Variants in MGAT4C observed in about 807,000 individuals in gnomAD.
MGAT4C encodes MGAT4 family member C.
MGAT4C carries 19 observed loss-of-function variants against 40.1 expected under a neutral mutation model. The observed-to-expected ratio is 0.47, with a 90% CI of 0.33 to 0.70. The LOEUF (loss-of-function observed/expected upper bound fraction) is 0.70. MGAT4C is among the 30% of genes least tolerant of loss of function. The pLI is 0.02. For missense variants in MGAT4C, 491 were observed against 563.2 expected, an observed-to-expected ratio of 0.87 and a Z score of 1.30; for synonymous variants, 181 against 187.1, an observed-to-expected ratio of 0.97 and a Z score of 0.27.
intron 2 of MGAT4C, among the ~76,000 whole-genome samples, chr12:86,696,329 T>C (rs1420129510): frequency 2.0e-5 from 3 of 152,096 alleles, no homozygotes; most frequent in African/African-American, 7.2e-5. Context: ...TATCAAAATA[T>C]CTCATGAACA....
chr12:86,333,503 A>T (rs1377114742), intron 4 of MGAT4C, among the ~76,000 whole-genome samples: 2 of 152,184 alleles, frequency 1.3e-5, no homozygotes, highest in African/African-American at 4.8e-5. Context: ...AGGCTATCAA[A>T]GACAACTTAT....
At chr12:86,274,445 G>T (rs1953020817) in intron 4 of MGAT4C, among the ~76,000 whole-genome samples, 3 of 152,012 alleles carry the variant, frequency 2.0e-5, no homozygotes, top group Non-Finnish European at 4.4e-5. Flanking sequence ...CTGCCATTGT[G>T]CTAGAGATTA....
chr12:86,273,096 A>G (rs1247552620), intron 4 of MGAT4C, among the ~76,000 whole-genome samples: 1 of 151,730 alleles, frequency 6.6e-6, no homozygotes, highest in Non-Finnish European at 1.5e-5. Flanking sequence ...ATAGCATGTT[A>G]GCAAGCAGGA....
At chr12:86,195,251 G>C (rs1367954980) in intron 1 of MGAT4C, among the ~76,000 whole-genome samples, 1 of 152,136 alleles carries the variant, frequency 6.6e-6, no homozygotes, top group Admixed American at 6.5e-5. Flanking sequence ...GGTTTCTCAA[G>C]GGCTGGTTGC....
chr12:86,287,726 C>G (rs147484551), intron 4 of MGAT4C, among the ~76,000 whole-genome samples: 4 of 152,292 alleles, frequency 2.6e-5, no homozygotes, highest in African/African-American at 9.6e-5. Context: ...AACTGTGCCA[C>G]ATATTCTTTA....
chr12:86,061,858 A>G (rs912472650), intron 1 of MGAT4C, among the ~76,000 whole-genome samples: 1 of 152,096 alleles, frequency 6.6e-6, no homozygotes, highest in Admixed American at 6.6e-5. Context: ...CTCTGAAAAA[A>G]AGGCAGCAGC....
chr12:86,054,731 A>G (rs1893224442), intron 1 of MGAT4C, among the ~76,000 whole-genome samples: 1 of 151,950 alleles, frequency 6.6e-6, no homozygotes, highest in Admixed American at 6.6e-5. Flanking sequence ...AAAACAAAAT[A>G]AAACAATGAC....
intron 1 of MGAT4C, among the ~76,000 whole-genome samples, chr12:86,117,867 C>T (rs1878697492): frequency 6.6e-6 from 1 of 152,130 alleles, no homozygotes; most frequent in African/African-American, 2.4e-5. Context: ...GGCAGTCAAA[C>T]TGCCTTGAAA....
rs529852784 is a variant in MGAT4C at position 86,570,012 on chromosome 12, CA to C, written c.-228-134748del. Among the ~76,000 whole-genome samples the C allele has an allele frequency of 2.0e-5, 3 of 152,080 alleles. No individual in the cohort carries two copies. In the South Asian group the frequency reaches 6.2e-4, roughly 32 times the overall value. On this transcript the variant is annotated intron_variant, in intron 2 of 7. Coordinates refer to the MGAT4C transcript ENST00000548651. ...TCTAAAAAAGTTGAACTCATTGTAG[CA>C]GAGAGTATGATGGTGATTATTAGAA... is the stretch of plus-strand genomic sequence containing the variant.
chr12:86,082,396 AAGGTAAAG>A (rs1253771981), intron 1 of MGAT4C, among the ~76,000 whole-genome samples: 1 of 152,180 alleles, frequency 6.6e-6, no homozygotes, highest in Admixed American at 6.6e-5. Context: ...AATTGGAAAT[AAGGTAAAG>A]GTTTATACTG....
chr12:86,623,393 A>T (rs1312196047), intron 2 of MGAT4C, among the ~76,000 whole-genome samples: 2 of 152,204 alleles, frequency 1.3e-5, no homozygotes, highest in South Asian at 4.1e-4. Context: ...CAACAGGTCC[A>T]TCTGACTTAA....
intron 1 of MGAT4C, among the ~76,000 whole-genome samples, chr12:86,079,746 T>A (rs917853799): frequency 6.6e-6 from 1 of 151,464 alleles, no homozygotes; most frequent in Admixed American, 6.6e-5. Flanking sequence ...TTTGTATAAG[T>A]GTGTAAAAAT....
intron 2 of MGAT4C, among the ~76,000 whole-genome samples, chr12:86,447,248 C>G (rs1162038457): frequency 6.6e-6 from 1 of 152,190 alleles, no homozygotes; most frequent in Non-Finnish European, 1.5e-5. Context: ...GCCTCAGCCT[C>G]CCGAGTAGCT....
chr12:86,664,713 T>TA (rs1486075171), intron 2 of MGAT4C, among the ~76,000 whole-genome samples: 3 of 152,124 alleles, frequency 2.0e-5, no homozygotes, highest in East Asian at 1.9e-4. Flanking sequence ...TAAAGAAGAT[T>TA]AAAAAATCTT....
chr12:86,749,634 A>G (rs1426922834), intron 1 of MGAT4C, among the ~76,000 whole-genome samples: 1 of 151,790 alleles, frequency 6.6e-6, no homozygotes, highest in Non-Finnish European at 1.5e-5. Flanking sequence ...TCTGGCTTTT[A>G]TGTTAAACAA....
At chr12:86,291,614 A>C in intron 4 of MGAT4C, among the ~76,000 whole-genome samples, 1 of 152,178 alleles carries the variant, frequency 6.6e-6, no homozygotes, top group East Asian at 1.9e-4. Flanking sequence ...ATATTAGTGT[A>C]TCTGTATCTG....
At chr12:86,271,234 TGA>T in intron 4 of MGAT4C, among the ~76,000 whole-genome samples, 1 of 152,234 alleles carries the variant, frequency 6.6e-6, no homozygotes, top group Admixed American at 6.5e-5. Context: ...ACCTGTTGAA[TGA>T]GAGAAAATAT....
At chr12:86,369,361 C>T (rs1955673795) in intron 3 of MGAT4C, among the ~76,000 whole-genome samples, 1 of 151,896 alleles carries the variant, frequency 6.6e-6, no homozygotes, top group South Asian at 2.1e-4. Flanking sequence ...TAAGAACTTA[C>T]TATTGCCATT....
At chr12:86,524,083 C>T (rs1054154550) in intron 2 of MGAT4C, among the ~76,000 whole-genome samples, 4 of 152,080 alleles carry the variant, frequency 2.6e-5, no homozygotes, top group African/African-American at 9.7e-5. Context: ...AGCTAGCTCA[C>T]TTACATTCCA....
Sources: gnomAD v4.1 joint callset for allele counts (sites outside exome capture counted in the v4.1 genomes callset) on GRCh38, gnomAD v4.1.1 for gene constraint, MANE v1.5 for transcripts, NCBI Gene and HGNC (gene_info 2026-07-23, HGNC 2026-07-21) for gene names.